The following HYCC1 variants were observed in gnomAD, a reference collection of about 807,000 sequenced individuals.
HYCC1 encodes hyccin PI4KA lipid kinase complex subunit 1, also known as hyccin.
the HYCC1 span, chr7:22,945,504 G>A: frequency 1.5e-4 from 146 of 982,780 alleles, no homozygotes; most frequent in African/African-American, 1.7e-3. Context: ...TCAGGAATAC[G>A]GATGAAAGAC....
chr7:22,921,471 A>G, the HYCC1 span, among the ~76,000 whole-genome samples: 1 of 152,234 alleles, frequency 6.6e-6, no homozygotes, highest in South Asian at 2.1e-4. Flanking sequence ...ACATAAAGTA[A>G]TAATTGTAAC....
the HYCC1 span, among the ~76,000 whole-genome samples, chr7:22,897,619 T>TTTTG: frequency 4.6e-5 from 7 of 152,036 alleles, no homozygotes; most frequent in Non-Finnish European, 1.0e-4. Flanking sequence ...GTTAGCATTC[T>TTTTG]TTTGTTTGTT....
At chr7:22,923,779 T>C in the HYCC1 span, among the ~76,000 whole-genome samples, 1 of 151,922 alleles carries the variant, frequency 6.6e-6, no homozygotes, top group African/African-American at 2.4e-5. Flanking sequence ...GGAAATACTA[T>C]AAACAACTGT....
At chr7:22,967,594 T>G in the HYCC1 span, among the ~76,000 whole-genome samples, 11,568 of 152,256 alleles carry the variant, frequency 0.076, 641 homozygotes, top group East Asian at 0.22. Flanking sequence ...CAGATTGGTC[T>G]TCCGATAACA....
the HYCC1 span, among the ~76,000 whole-genome samples, chr7:23,010,729 G>A: frequency 6.6e-6 from 1 of 152,098 alleles, no homozygotes. Context: ...CACCAAATTG[G>A]TATAGGGATT....
the HYCC1 span, among the ~76,000 whole-genome samples, chr7:22,968,197 T>A: frequency 6.6e-6 from 1 of 152,238 alleles, no homozygotes; most frequent in Non-Finnish European, 1.5e-5. Flanking sequence ...GATGTGATCA[T>A]GTGACTAAGT....
At chr7:22,959,990 G>A in the HYCC1 span, among the ~76,000 whole-genome samples, 2 of 152,132 alleles carry the variant, frequency 1.3e-5, no homozygotes, top group Admixed American at 1.3e-4. Flanking sequence ...ATTTTAAAAT[G>A]CATTTTCCTT....
At chr7:22,923,474 C>T in the HYCC1 span, among the ~76,000 whole-genome samples, 3 of 151,884 alleles carry the variant, frequency 2.0e-5, no homozygotes, top group Admixed American at 2.0e-4. Flanking sequence ...AAATCAATAA[C>T]CTAATCTTCC....
chr7:22,974,047 C>G, the HYCC1 span, among the ~76,000 whole-genome samples: 1 of 152,056 alleles, frequency 6.6e-6, no homozygotes, highest in African/African-American at 2.4e-5. Flanking sequence ...TACACTGCTT[C>G]AAAGTAGGAC....
the HYCC1 span, chr7:22,964,466 G>C: frequency 6.2e-7 from 1 of 1,611,304 alleles, no homozygotes; most frequent in Non-Finnish European, 8.5e-7. Flanking sequence ...TGAAGAAACT[G>C]GTATCCTGCT....
the HYCC1 span, among the ~76,000 whole-genome samples, chr7:22,917,743 T>C: frequency 1.3e-5 from 2 of 152,236 alleles, no homozygotes; most frequent in African/African-American, 4.8e-5. Context: ...TGGTATTCAG[T>C]GGCTCCTGGT....
chr7:23,008,020 A>C, the HYCC1 span, among the ~76,000 whole-genome samples: 1 of 152,114 alleles, frequency 6.6e-6, no homozygotes, highest in Non-Finnish European at 1.5e-5. Flanking sequence ...AAGGATCCTC[A>C]CTGTTCACTG....
At chr7:22,978,025 C>G in the HYCC1 span, 1 of 580,116 alleles carries the variant, frequency 1.7e-6, no homozygotes, top group Non-Finnish European at 3.0e-6. Flanking sequence ...TTTCAGATAT[C>G]TCTATAAAAG....
chr7:22,962,779 G>A, the HYCC1 span, among the ~76,000 whole-genome samples: 6 of 70,590 alleles, frequency 8.5e-5, no homozygotes, highest in East Asian at 1.4e-3. Context: ...CCCCACCACC[G>A]CCCCAGCCAC....
the HYCC1 span, among the ~76,000 whole-genome samples, chr7:22,997,455 A>C: frequency 6.6e-6 from 1 of 152,202 alleles, no homozygotes; most frequent in South Asian, 2.1e-4. Context: ...ACGAAATTTT[A>C]AACTTCTCTC....
At chr7:22,927,197 A>C in the HYCC1 span, among the ~76,000 whole-genome samples, 4 of 152,238 alleles carry the variant, frequency 2.6e-5, no homozygotes, top group South Asian at 8.3e-4. Context: ...GTAGAGGGAA[A>C]TTTATAGCAC....
At chr7:22,952,965 G>A in the HYCC1 span, among the ~76,000 whole-genome samples, 3 of 151,910 alleles carry the variant, frequency 2.0e-5, no homozygotes, top group South Asian at 6.2e-4. Flanking sequence ...TCTGGAACAA[G>A]ACAATTTGTA....
the HYCC1 span, among the ~76,000 whole-genome samples, chr7:22,979,367 A>G: frequency 6.6e-6 from 1 of 152,218 alleles, no homozygotes; most frequent in African/African-American, 2.4e-5. Flanking sequence ...TTAATCTTCC[A>G]CAAGGAATAC....
the HYCC1 span, among the ~76,000 whole-genome samples, chr7:22,990,318 G>T: frequency 1.3e-5 from 2 of 152,062 alleles, no homozygotes; most frequent in African/African-American, 2.4e-5. Flanking sequence ...TGGTCCCATG[G>T]TGTCTGTTGG....
Sources: gnomAD v4.1 joint callset for allele counts (sites outside exome capture counted in the v4.1 genomes callset) on GRCh38, gnomAD v4.1.1 for gene constraint, MANE v1.5 for transcripts, NCBI Gene and HGNC (gene_info 2026-07-23, HGNC 2026-07-21) for gene names.